RPE65: variants seen among roughly 807,000 people sequenced by gnomAD.
RPE65 encodes the protein retinoid isomerohydrolase.
Under a neutral mutation model 68.5 loss-of-function variants are expected in RPE65, and 58 were observed. That is an observed-to-expected ratio of 0.85 (90% CI 0.69 to 1.05). RPE65 has a LOEUF of 1.05. Ranked by LOEUF, RPE65 falls within the 50% of genes least tolerant of loss-of-function variation. RPE65 has a pLI of 0.00. For synonymous variants in RPE65, 220 were observed against 222.2 expected (o/e 0.99, Z 0.09); for missense variants, 643 against 629.9 (o/e 1.02, Z -0.22).
chr1:68,447,633 G>A (rs183089473), intron 2 of RPE65, among the ~76,000 whole-genome samples: 1 of 152,118 alleles, frequency 6.6e-6, no homozygotes, highest in East Asian at 1.9e-4. Flanking sequence ...AGGCCTAGGC[G>A]GGCGGATCAC....
Position 68,431,476 on chromosome 1 carries a change from C to T in RPE65, c.1238G>A (p.Arg413His), listed in dbSNP as rs200950327. 5.5e-5 allele frequency: 88 copies of T among 1,613,778 alleles called. No individual in the cohort carries two copies. In the East Asian group the frequency reaches 7.8e-4, roughly 14 times the overall value. ...LEPEVLFSGP[R>H]QAFEFPQINY... ...TTTTCTCTAGATCATCTCACCTTGA[C>T]GAGGCCCTGAAAAGAGAACTTCAGG... The change falls in exon 11 of 14, where the codon CGT becomes CAT. Residue 413 changes from arginine (R) to histidine (H), a missense_variant. Transcript: ENST00000262340.
Position 68,431,336 on chromosome 1 carries a change from C to A in RPE65, c.1284G>T (p.Gly428=). ...FPQINYQKYC[G]KPYTYAYGLG... is the part of the protein sequence containing the mutation. The stretch of plus-strand genomic sequence containing the variant: ...GTCCATACGCATATGTGTAAGGTTT[C>A]CCACAATACTTCTGGTAATTGATTT... Residue 428 remains glycine, a synonymous_variant, in exon 12 of 14, where the codon GGG becomes GGT. Coordinates refer to ENST00000262340, the MANE Select transcript of RPE65 (RefSeq NM_000329.3). 6.2e-7 allele frequency: 1 copy of A among 1,613,972 alleles called. No homozygotes were observed. The highest frequency in any genetic ancestry group is 8.5e-7 in the Non-Finnish European group (1 of 1,179,928).
In RPE65 at chr1:68,448,643, C is replaced by A; in HGVS notation, c.75G>T (p.Pro25=). 2 of 1,613,762 alleles carry A rather than the reference C, an allele frequency of 1.2e-6. No homozygotes were observed. The highest frequency in any genetic ancestry group is 1.7e-6 in the Non-Finnish European group (2 of 1,179,928). Residue 25 remains proline (P), a synonymous_variant, in exon 2 of 14, where the codon CCG becomes CCT. Transcript: ENST00000262340. Reference sequence around the variant, plus strand: ...ACCAACCTGTTACATGAGCTGTGAGCGGCGAGGACAGTTCCTCCACAGTTT... The same window carrying A: ...ACCAACCTGTTACATGAGCTGTGAGAGGCGAGGACAGTTCCTCCACAGTTT... ...LFETVEELSS[P]LTAHVTGRIP...
At chr1:68,449,783 G>T (rs937397496) in intron 1 of RPE65, 112 bp downstream of exon 1, 12 of 1,294,018 alleles carry the variant, frequency 9.3e-6, no homozygotes, top group African/African-American at 7.4e-5. Flanking sequence ...AAATTCAAGG[G>T]TCTTTCCTAA....
At chr1:68,441,672 T>A (rs1438792267) in intron 5 of RPE65, among the ~76,000 whole-genome samples, 3 of 152,156 alleles carry the variant, frequency 2.0e-5, no homozygotes, top group African/African-American at 7.2e-5. Flanking sequence ...TCCAGAGAGA[T>A]CAAGTGTCTT....
chr1:68,440,877 C>A lies in RPE65; in HGVS notation c.619G>T (p.Val207Leu), dbSNP rs1460185726. The change falls in exon 6 of 14, where the codon GTA becomes TTA. Residue 207 changes from valine (V) to leucine (L), a missense_variant. Transcript: ENST00000262340. ...CCTGCTTGCAGTGGTGGGATCTTTA[C>A]AATGTTGTAGGCAATTGAAAAATTT... ...GKNFSIAYNI[V>L]KIPPLQADKE... The A allele has an allele frequency of 6.2e-7, 1 of 1,614,006 alleles. No individual in the cohort carries two copies. Among genetic ancestry groups the A allele is most frequent in the South Asian group, 1.1e-5 (1 of 91,066 alleles).
chr1:68,447,245 G>A (rs1244857240), intron 2 of RPE65, among the ~76,000 whole-genome samples: 1 of 152,172 alleles, frequency 6.6e-6, no homozygotes, highest in Non-Finnish European at 1.5e-5. Context: ...GTGGAGTGAG[G>A]AGTAGAAGTA....
At chr1:68,439,666 G>A (rs1438061485) in intron 6 of RPE65, 24 bp from the exon 7 acceptor site, 3 of 1,595,656 alleles carry the variant, frequency 1.9e-6, no homozygotes, top group Non-Finnish European at 2.6e-6. Flanking sequence ...GTTTTAAAAG[G>A]CTTTGGAAGA....
intron 10 of RPE65, among the ~76,000 whole-genome samples, chr1:68,435,625 G>A (rs905824357): frequency 1.3e-4 from 20 of 152,034 alleles, no homozygotes; most frequent in Non-Finnish European, 4.4e-5. Context: ...TTCTCTCTGC[G>A]TATCTCCCTC....
chr1:68,434,767 T>TTTTG (rs1202209354), intron 10 of RPE65, among the ~76,000 whole-genome samples: 1 of 152,070 alleles, frequency 6.6e-6, no homozygotes, highest in Non-Finnish European at 1.5e-5. Context: ...TCTTGTTCTG[T>TTTTG]TTTGTTTGTT....
chr1:68,447,001 C>T (rs567691146), intron 2 of RPE65, 141 bp from the exon 3 acceptor site: 34 of 1,099,758 alleles, frequency 3.1e-5, no homozygotes, highest in Admixed American at 9.4e-5. Flanking sequence ...TTCCAGCCCT[C>T]GCGCTGGACA....
chr1:68,439,514 T>G (rs779185734), intron 7 of RPE65, 47 bp downstream of exon 7: 14 of 1,600,388 alleles, frequency 8.7e-6, no homozygotes, highest in Non-Finnish European at 1.2e-5. Flanking sequence ...AAAGCAAATC[T>G]TTAAACTTGA....
intron 5 of RPE65, among the ~76,000 whole-genome samples, chr1:68,442,013 A>C (rs1645905414): frequency 6.6e-6 from 1 of 152,200 alleles, no homozygotes; most frequent in African/African-American, 2.4e-5. Flanking sequence ...CAGGACCACT[A>C]ATTTTTAGAT....
rs113329701 is a variant in RPE65 at position 68,431,599 on chromosome 1, T to C, written c.1129-14A>G. The C allele has an allele frequency of 1.8e-4, 287 of 1,603,988 alleles. 1 individual carries two copies. The African/African-American group carries it at 3.4e-3, about 19-fold the overall frequency. On this transcript the variant is annotated splice_polypyrimidine_tract_variant and intron_variant, in intron 10 of 13. Coordinates refer to ENST00000262340, the MANE Select transcript of RPE65 (RefSeq NM_000329.3). ...GCCTGTGTCAGCCTAGGAGAGAAGA[T>C]AACAGAAACCTCAGTGAGCAGGAAA... is the stretch of plus-strand genomic sequence containing the variant.
In RPE65 at chr1:68,429,773, T is replaced by C; in HGVS notation, c.*3A>G. 1 of 1,613,516 alleles carries C rather than the reference T, an allele frequency of 6.2e-7. No individual in the cohort carries two copies. Among genetic ancestry groups the C allele is most frequent in the Non-Finnish European group, 8.5e-7 (1 of 1,179,606 alleles). ...ACCAAAAACATATCTTGCTGGAGTA[T>C]GCTCAAGATTTTTTGAACAGTCCAT... On this transcript the variant is annotated 3_prime_UTR_variant, in exon 14 of 14. Coordinates refer to ENST00000262340, the MANE Select transcript of RPE65 (RefSeq NM_000329.3).
chr1:68,438,939 T>A lies in RPE65; in HGVS notation c.998+3A>T. On this transcript the variant is annotated splice_donor_region_variant and intron_variant, in intron 9 of 13. Transcript: ENST00000262340. Reference sequence around the variant, plus strand: ...GTCCCATTTGTCCAGTGTCCTTTCTTACCCTTTCCAGCAGCAGAGATCCAC... The same window carrying A: ...GTCCCATTTGTCCAGTGTCCTTTCTAACCCTTTCCAGCAGCAGAGATCCAC... 6.2e-7 allele frequency: 1 copy of A among 1,613,984 alleles called. No homozygotes were observed. Among genetic ancestry groups the A allele is most frequent in the Admixed American group, 1.7e-5 (1 of 59,998 alleles).
intron 6 of RPE65, among the ~76,000 whole-genome samples, chr1:68,440,211 T>TCC (rs1439053123): frequency 6.6e-6 from 1 of 152,206 alleles, no homozygotes; most frequent in Non-Finnish European, 1.5e-5. Context: ...TCTAACAGTT[T>TCC]CCTAGGTGAT....
intron 10 of RPE65, among the ~76,000 whole-genome samples, chr1:68,433,839 G>T (rs1645842413): frequency 1.3e-5 from 2 of 152,072 alleles, no homozygotes. Context: ...AGAGGCAAGG[G>T]AAAGGAAGGT....
Position 68,431,562 on chromosome 1 carries a change from G to C in RPE65, c.1152C>G (p.Val384=), listed in dbSNP as rs1571158917. The C allele has an allele frequency of 6.2e-7, 1 of 1,613,858 alleles. No individual in the cohort carries two copies. Among genetic ancestry groups the C allele is most frequent in the Middle Eastern group, 1.7e-4 (1 of 6,060 alleles). Residue 384 remains valine, a synonymous_variant, in exon 11 of 14, where the codon GTC becomes GTG. Coordinates refer to ENST00000262340, the MANE Select transcript of RPE65 (RefSeq NM_000329.3). ...CAGTGGCAGTTGTATTGGGGAGCGT[G>C]ACTAAATTCTTGCCTGTGTCAGCCT... The part of the protein sequence containing the change: ...IDKADTGKNL[V]TLPNTTATAI...
Sources: gnomAD v4.1 joint callset for allele counts (sites outside exome capture counted in the v4.1 genomes callset) on GRCh38, gnomAD v4.1.1 for gene constraint, MANE v1.5 for transcripts, NCBI Gene and HGNC (gene_info 2026-07-23, HGNC 2026-07-21) for gene names.